LUZP1: variants seen among roughly 807,000 people sequenced by gnomAD.
The protein encoded by LUZP1 is filamin mechanobinding actin cross-linking protein.
LUZP1 carries 25 observed loss-of-function variants against 71.3 expected under a neutral mutation model. The observed-to-expected ratio is 0.35, with a 90% CI of 0.26 to 0.49. The LOEUF is 0.49. LUZP1 is among the 20% of genes least tolerant of loss of function. LUZP1 has a pLI of 0.99. For missense variants in LUZP1, 1,142 were observed against 1,300.8 expected, an observed-to-expected ratio of 0.88 and a Z score of 1.88; for synonymous variants, 481 against 506.4, an observed-to-expected ratio of 0.95 and a Z score of 0.67.
At chr1:23,091,915 G>A in exon 4 of LUZP1, 1 of 1,614,178 alleles carries the variant, frequency 6.2e-7, no homozygotes, top group Non-Finnish European at 8.5e-7. Context: ...TTGGAGACGG[G>A]TTTCTGTTTC....
At chr1:23,138,271 A>T (rs184578686) in intron 2 of LUZP1, among the ~76,000 whole-genome samples, 76 of 152,160 alleles carry the variant, frequency 5.0e-4, no homozygotes, top group African/African-American at 1.8e-3. Context: ...ACCGCACCCG[A>T]CCACAAAATG....
chr1:23,109,710 G>A (rs1203882860), intron 2 of LUZP1: 1 of 152,122 alleles, frequency 6.6e-6, no homozygotes, highest in Non-Finnish European at 1.5e-5. Context: ...AAACATAAAC[G>A]AATTTCATGT....
intron 2 of LUZP1, among the ~76,000 whole-genome samples, chr1:23,130,746 A>T (rs1023290948): frequency 2.0e-5 from 3 of 152,072 alleles, no homozygotes; most frequent in Admixed American, 2.0e-4. Context: ...ATTTGTATTC[A>T]TCAATGGTTT....
intron 2 of LUZP1, among the ~76,000 whole-genome samples, chr1:23,166,109 C>T (rs929247471): frequency 2.0e-5 from 3 of 150,968 alleles, no homozygotes; most frequent in Non-Finnish European, 2.9e-5. Flanking sequence ...TACAACACTG[C>T]TGAAAGAAAA....
chr1:23,099,121 C>T (rs1464796247), intron 3 of LUZP1, among the ~76,000 whole-genome samples: 1 of 152,104 alleles, frequency 6.6e-6, no homozygotes, highest in Non-Finnish European at 1.5e-5. Context: ...TTCTCAAAAA[C>T]GGAGAGGGAA....
At chr1:23,161,293 GTAA>G (rs907889358) in intron 2 of LUZP1, among the ~76,000 whole-genome samples, 7 of 152,188 alleles carry the variant, frequency 4.6e-5, no homozygotes, top group African/African-American at 1.4e-4. Flanking sequence ...ACAGAAGCCA[GTAA>G]TAGGGAATAA....
intron 2 of LUZP1, among the ~76,000 whole-genome samples, chr1:23,121,310 A>G (rs1644127820): frequency 6.6e-6 from 1 of 152,226 alleles, no homozygotes; most frequent in East Asian, 1.9e-4. Context: ...AAGAGCAGAG[A>G]TCACATCTTC....
At chr1:23,112,679 G>C (rs1644043418) in intron 2 of LUZP1, among the ~76,000 whole-genome samples, 1 of 152,196 alleles carries the variant, frequency 6.6e-6, no homozygotes, top group South Asian at 2.1e-4. Context: ...TGGAAGAAAG[G>C]GCTGACATGG....
chr1:23,146,938 A>G (rs561361248), intron 2 of LUZP1, among the ~76,000 whole-genome samples: 102 of 151,834 alleles, frequency 6.7e-4, no homozygotes, highest in Non-Finnish European at 1.1e-3. Context: ...TCTACTAAAA[A>G]TACAAAAAAT....
intron 3 of LUZP1, among the ~76,000 whole-genome samples, chr1:23,105,398 C>T (rs1643972183): frequency 1.3e-5 from 2 of 152,194 alleles, no homozygotes; most frequent in Middle Eastern, 3.4e-3. Context: ...TTGCAGGCAA[C>T]GTGATACAAT....
At chr1:23,170,155 C>A (rs545285643) in intron 1 of LUZP1, among the ~76,000 whole-genome samples, 1 of 152,266 alleles carries the variant, frequency 6.6e-6, no homozygotes, top group South Asian at 2.1e-4. Flanking sequence ...TTAACCCTCA[C>A]GTGGGCATGA....
At chr1:23,092,588 A>G (rs1457889070) in exon 4 of LUZP1, 1 of 1,614,224 alleles carries the variant, frequency 6.2e-7, no homozygotes, top group Admixed American at 1.7e-5. Context: ...TAGAACAGCC[A>G]GAGTTTGCAG....
rs1463651110 is a variant in LUZP1, at chr1:23,142,738, C to T, written c.-226+26028G>A. ...ACACACACACACACACACACACACA[C>T]ACACACACACACAGATTTTTGACAG... On this transcript the variant is annotated intron_variant, in intron 2 of 4. Transcript: ENST00000302291. Among the ~76,000 whole-genome samples the T allele has an allele frequency of 1.5e-5, 2 of 132,774 alleles. 1 individual carries two copies. Among genetic ancestry groups the T allele is most frequent in the African/African-American group, 5.8e-5 (2 of 34,420 alleles). 87.1% of individuals were successfully genotyped at this position (132,774 alleles called of 152,430 possible).
chr1:23,089,114 C>T (rs1643814236), intron 4 of LUZP1, 61 bp from the exon 4 acceptor site: 1 of 1,538,948 alleles, frequency 6.5e-7, no homozygotes, highest in East Asian at 2.3e-5. Context: ...CCGAGACACC[C>T]TCACCTGCTA....
intron 2 of LUZP1, among the ~76,000 whole-genome samples, chr1:23,111,626 G>T (rs192689879): frequency 3.7e-4 from 57 of 152,134 alleles, no homozygotes; most frequent in Admixed American, 3.7e-3. Context: ...GTGGATGTGG[G>T]GGAAGCTTTA....
At chr1:23,097,509 C>T (rs144927966) in intron 3 of LUZP1, among the ~76,000 whole-genome samples, 4 of 152,130 alleles carry the variant, frequency 2.6e-5, no homozygotes, top group Admixed American at 6.5e-5. Context: ...TATGAAGGCA[C>T]GACCAAAAGA....
chr1:23,162,369 C>G (rs1245931935), intron 2 of LUZP1, among the ~76,000 whole-genome samples: 1 of 151,782 alleles, frequency 6.6e-6, no homozygotes, highest in African/African-American at 2.4e-5. Flanking sequence ...TCAAATTCCA[C>G]TTTTACATGC....
At chr1:23,152,014 A>G (rs905343773) in intron 2 of LUZP1, among the ~76,000 whole-genome samples, 4 of 151,944 alleles carry the variant, frequency 2.6e-5, no homozygotes, top group Admixed American at 1.3e-4. Flanking sequence ...AAAAAAAAAA[A>G]AAAGAAAAGA....
intron 2 of LUZP1, among the ~76,000 whole-genome samples, chr1:23,131,678 A>ATTTTAT (rs146837427): frequency 6.6e-6 from 1 of 151,280 alleles, no homozygotes; most frequent in Non-Finnish European, 1.5e-5. Flanking sequence ...TTATTCATTT[A>ATTTTAT]TTTATTTTAT....
Sources: allele counts gnomAD v4.1 joint callset (sites outside exome capture counted in the v4.1 genomes callset), GRCh38; gene constraint gnomAD v4.1.1; transcripts MANE v1.5; gene names NCBI Gene and HGNC (gene_info 2026-07-23, HGNC 2026-07-21).